Variants in MYRIP observed in about 807,000 individuals in gnomAD.
The protein encoded by MYRIP is myosin VIIA and Rab interacting protein, also known as rab effector MyRIP.
In MYRIP, 49 loss-of-function variants were observed where a neutral mutation model predicts 98.0. The ratio of observed to expected loss-of-function variants is 0.50; its 90% CI spans 0.40 to 0.63. The LOEUF (loss-of-function observed/expected upper bound fraction) is 0.63. Ranked by LOEUF, MYRIP falls within the 30% of genes least tolerant of loss-of-function variation. The pLI is 0.00. For synonymous variants in MYRIP, 404 were observed against 409.5 expected (o/e 0.99, Z 0.16); for missense variants, 1,004 against 1,058.2 (o/e 0.95, Z 0.71).
At chr3:40,240,962 G>C (rs1483095492) in intron 12 of MYRIP, among the ~76,000 whole-genome samples, 1 of 152,252 alleles carries the variant, frequency 6.6e-6, no homozygotes, top group East Asian at 1.9e-4. Flanking sequence ...TATCTCCACT[G>C]GTCAAACCCA....
chr3:39,912,914 C>T (rs1944058355), intron 2 of MYRIP, among the ~76,000 whole-genome samples: 1 of 152,150 alleles, frequency 6.6e-6, no homozygotes, highest in South Asian at 2.1e-4. Context: ...GTGGCATGCA[C>T]CTGTGATTCC....
In MYRIP at chr3:40,258,288, G is replaced by A; in HGVS notation, c.*122G>A. The A allele has an allele frequency of 8.6e-7, 1 of 1,156,992 alleles. No homozygotes were observed. The highest frequency in any genetic ancestry group is 1.2e-5 in the South Asian group (1 of 80,876). The allele number at this position is 1,156,992 out of a possible 1,614,324, so 71.7% of individuals were successfully genotyped here. On this transcript the variant is annotated 3_prime_UTR_variant, in exon 17 of 17. Coordinates refer to ENST00000302541, the MANE Select transcript of MYRIP (RefSeq NM_015460.4). Reference sequence around the variant, plus strand: ...GAGGAGAAGGCCTGGGGAGGCCACAGTGCACCATTGCACAGGGCTGTCCTG... The same window carrying A: ...GAGGAGAAGGCCTGGGGAGGCCACAATGCACCATTGCACAGGGCTGTCCTG...
chr3:39,847,795 C>T (rs1942011722), intron 1 of MYRIP, among the ~76,000 whole-genome samples: 1 of 152,118 alleles, frequency 6.6e-6, no homozygotes, highest in African/African-American at 2.4e-5. Flanking sequence ...TTCATAGTAG[C>T]GTTTGCTGCC....
At chr3:40,204,235 A>T (rs371217179) in intron 10 of MYRIP, among the ~76,000 whole-genome samples, 4,202 of 25,964 alleles carry the variant, frequency 0.16, 425 homozygotes, top group Non-Finnish European at 0.21. Flanking sequence ...ATATATATAT[A>T]TTTTTTTTTT....
chr3:40,166,667 T>C (rs1950506236), intron 5 of MYRIP, among the ~76,000 whole-genome samples, 179 bp from the exon 6 acceptor site: 1 of 152,058 alleles, frequency 6.6e-6, no homozygotes, highest in African/African-American at 2.4e-5. Context: ...GGGCATGGGA[T>C]GTGAATGATG....
chr3:40,207,049 G>A (rs980159742), intron 10 of MYRIP, among the ~76,000 whole-genome samples: 1 of 152,158 alleles, frequency 6.6e-6, no homozygotes, highest in Non-Finnish European at 1.5e-5. Flanking sequence ...ACTAGTTGCT[G>A]ACTTCCTGCA....
At chr3:40,004,405 A>T (rs556253626) in intron 2 of MYRIP, among the ~76,000 whole-genome samples, 1 of 152,340 alleles carries the variant, frequency 6.6e-6, no homozygotes, top group East Asian at 1.9e-4. Context: ...AGCCCGGGCC[A>T]TACCATGTCA....
At chr3:40,131,559 C>T (rs567513505) in intron 3 of MYRIP, among the ~76,000 whole-genome samples, 17 of 152,186 alleles carry the variant, frequency 1.1e-4, no homozygotes, top group Non-Finnish European at 2.1e-4. Flanking sequence ...TCATAATACA[C>T]TTTAGGGGAT....
intron 8 of MYRIP, among the ~76,000 whole-genome samples, chr3:40,176,668 G>A (rs1160499456): frequency 6.6e-6 from 1 of 152,124 alleles, no homozygotes; most frequent in Non-Finnish European, 1.5e-5. Flanking sequence ...AGCACTTTGG[G>A]AGGCCAAGGT....
At chr3:39,973,202 G>A (rs1457004264) in intron 2 of MYRIP, among the ~76,000 whole-genome samples, 1 of 151,976 alleles carries the variant, frequency 6.6e-6, no homozygotes, top group Non-Finnish European at 1.5e-5. Flanking sequence ...AAGGGATGGA[G>A]GAAGATCTAC....
chr3:40,205,648 T>A (rs1445063713), intron 10 of MYRIP, among the ~76,000 whole-genome samples: 1 of 152,046 alleles, frequency 6.6e-6, no homozygotes, highest in African/African-American at 2.4e-5. Context: ...TCCCACCGCC[T>A]CCCACCCTCC....
chr3:40,247,937 T>C (rs1449917727), intron 13 of MYRIP, among the ~76,000 whole-genome samples: 1 of 152,242 alleles, frequency 6.6e-6, no homozygotes, highest in Non-Finnish European at 1.5e-5. Flanking sequence ...TGGGAGGTTG[T>C]TGACCCTGCC....
At chr3:40,163,644 T>C (rs1378521249) in intron 5 of MYRIP, among the ~76,000 whole-genome samples, 2 of 152,120 alleles carry the variant, frequency 1.3e-5, no homozygotes, top group Non-Finnish European at 2.9e-5. Flanking sequence ...GAGCTTCTGA[T>C]TCTTGGGCCT....
intron 3 of MYRIP, among the ~76,000 whole-genome samples, chr3:40,052,324 T>C (rs978578643): frequency 1.3e-5 from 2 of 152,130 alleles, no homozygotes; most frequent in Non-Finnish European, 2.9e-5. Context: ...TCACTTAATA[T>C]AATGACCTCC....
intron 2 of MYRIP, among the ~76,000 whole-genome samples, chr3:39,980,198 G>A (rs1945856281): frequency 6.6e-6 from 1 of 152,186 alleles, no homozygotes; most frequent in African/African-American, 2.4e-5. Context: ...GCAGGGGAAG[G>A]GTGTGGTCTC....
chr3:39,833,201 C>G (rs916392386), intron 1 of MYRIP, among the ~76,000 whole-genome samples: 53 of 152,050 alleles, frequency 3.5e-4, no homozygotes, highest in Non-Finnish European at 4.6e-4. Context: ...ATAAATGAAC[C>G]AATATGTTAG....
chr3:39,877,413 G>T (rs957891834), intron 1 of MYRIP, among the ~76,000 whole-genome samples: 3 of 152,018 alleles, frequency 2.0e-5, no homozygotes, highest in African/African-American at 4.8e-5. Context: ...AGGAGGAGAG[G>T]CGCTCTGCTT....
At chr3:40,035,130 A>G (rs1047832580) in intron 2 of MYRIP, among the ~76,000 whole-genome samples, 3 of 150,476 alleles carry the variant, frequency 2.0e-5, no homozygotes, top group Non-Finnish European at 4.4e-5. Flanking sequence ...GCTAAATGAC[A>G]AGTTAATGGG....
chr3:40,250,112 A>T, intron 13 of MYRIP, 110 bp from the exon 14 acceptor site: 1 of 804,274 alleles, frequency 1.2e-6, no homozygotes, highest in Non-Finnish European at 2.0e-6. Flanking sequence ...GAATGAATGA[A>T]TGAGCATACA....
Sources: gnomAD v4.1 joint callset for allele counts (sites outside exome capture counted in the v4.1 genomes callset) on GRCh38, gnomAD v4.1.1 for gene constraint, MANE v1.5 for transcripts, NCBI Gene and HGNC (gene_info 2026-07-23, HGNC 2026-07-21) for gene names.